ARHGAP15: variants seen among roughly 807,000 people sequenced by gnomAD.
ARHGAP15 encodes the protein Rho GTPase activating protein 15, also known as rho GTPase-activating protein 15.
A neutral mutation model predicts 63.7 loss-of-function variants in ARHGAP15; 51 were observed. The ratio of observed to expected loss-of-function variants is 0.80; its 90% CI spans 0.64 to 1.01. ARHGAP15 has a LOEUF of 1.01. Among genes scored for constraint, ARHGAP15 ranks in the 50% least tolerant of loss-of-function variants. The probability of loss-of-function intolerance (pLI) is 0.00; values close to 1 mark genes in which losing one functional copy is unlikely to be tolerated. For missense variants in ARHGAP15, 560 were observed against 564.6 expected, an observed-to-expected ratio of 0.99 and a Z score of 0.08; for synonymous variants, 191 against 193.8, an observed-to-expected ratio of 0.99 and a Z score of 0.12.
intron 10 of ARHGAP15, among the ~76,000 whole-genome samples, chr2:143,554,525 T>A (rs1271362275): frequency 6.6e-6 from 1 of 152,118 alleles, no homozygotes; most frequent in Non-Finnish European, 1.5e-5. Flanking sequence ...GAGGGAAAAC[T>A]TTGAGAAGGA....
At chr2:143,187,002 A>G (rs115732039) in intron 2 of ARHGAP15, among the ~76,000 whole-genome samples, 4,425 of 152,246 alleles carry the variant, frequency 0.029, 99 homozygotes, top group Non-Finnish European at 0.04. Flanking sequence ...GTCTGTAAAC[A>G]GTGGAAATAC....
chr2:143,145,433 T>C (rs184377054), intron 1 of ARHGAP15, among the ~76,000 whole-genome samples: 1 of 151,870 alleles, frequency 6.6e-6, no homozygotes, highest in African/African-American at 2.4e-5. Flanking sequence ...AGGGTTGAGG[T>C]TCTACCTTTC....
At chr2:143,673,158 CTTACT>C (rs1195136360) in intron 12 of ARHGAP15, among the ~76,000 whole-genome samples, 7 of 152,152 alleles carry the variant, frequency 4.6e-5, no homozygotes, top group African/African-American at 1.7e-4. Flanking sequence ...AACCTTGATT[CTTACT>C]TTACAACATA....
chr2:143,536,870 A>C (rs1248089593), intron 10 of ARHGAP15, among the ~76,000 whole-genome samples: 1 of 152,052 alleles, frequency 6.6e-6, no homozygotes, highest in Non-Finnish European at 1.5e-5. Flanking sequence ...ATGATTTATA[A>C]TCCTTTGGGT....
intron 8 of ARHGAP15, among the ~76,000 whole-genome samples, chr2:143,446,003 A>G (rs1035790756): frequency 6.6e-6 from 1 of 151,972 alleles, no homozygotes; most frequent in Non-Finnish European, 1.5e-5. Context: ...CCCTGTTCAA[A>G]AGGTTGTATG....
chr2:143,467,242 C>CTTTTTTTTTTTTTTTTTTTTTTTT (rs202115707), intron 8 of ARHGAP15, among the ~76,000 whole-genome samples: 9 of 57,918 alleles, frequency 1.6e-4, no homozygotes, highest in Admixed American at 2.5e-4. Context: ...ACTCCATGGC[C>CTTTTTTTTTTTTTTTTTTTTTTTT]TTTTTTTTTT....
chr2:143,334,921 G>T (rs992001995), intron 6 of ARHGAP15, among the ~76,000 whole-genome samples: 5 of 152,160 alleles, frequency 3.3e-5, no homozygotes, highest in African/African-American at 1.2e-4. Flanking sequence ...TCTCGACTTT[G>T]CTATGCACAT....
chr2:143,343,350 G>A (rs1685142270), intron 6 of ARHGAP15, among the ~76,000 whole-genome samples: 1 of 152,020 alleles, frequency 6.6e-6, no homozygotes, highest in Non-Finnish European at 1.5e-5. Flanking sequence ...AAAGGCAACA[G>A]GTGTCAAGGG....
At chr2:143,744,480 A>G (rs1168657113) in intron 13 of ARHGAP15, among the ~76,000 whole-genome samples, 1 of 152,296 alleles carries the variant, frequency 6.6e-6, no homozygotes, top group East Asian at 1.9e-4. Context: ...GGATTTTTTT[A>G]ATCCAATTGA....
chr2:143,338,013 C>T (rs986833470), intron 6 of ARHGAP15, among the ~76,000 whole-genome samples: 1 of 152,114 alleles, frequency 6.6e-6, no homozygotes, highest in African/African-American at 2.4e-5. Flanking sequence ...TTTAATGTGT[C>T]TAGTAACAAT....
rs1415509164 is a variant in ARHGAP15 at position 143,329,992 on chromosome 2, T to C, written c.474+79392T>C. ...CTGTAGTCCCAGCTACTCAGGAGCCTGAAGCAGGAGAATCGCTTGAGCCCA... is the reference window on the plus strand; with the variant it reads ...CTGTAGTCCCAGCTACTCAGGAGCCCGAAGCAGGAGAATCGCTTGAGCCCA... On this transcript the variant is annotated intron_variant, in intron 6 of 13. Coordinates refer to ENST00000295095, the MANE Select transcript of ARHGAP15 (RefSeq NM_018460.4). Among the ~76,000 whole-genome samples the C allele has an allele frequency of 1.0e-4, 15 of 143,634 alleles. No individual in the cohort carries two copies. In the East Asian group the frequency reaches 3.1e-3, roughly 29 times the overall value. The allele number at this position is 143,634 out of a possible 152,430, so 94.2% of individuals were successfully genotyped here.
chr2:143,382,061 T>TTTCCTTCCTTCCTTCC (rs749074335), intron 6 of ARHGAP15, among the ~76,000 whole-genome samples: 2 of 150,606 alleles, frequency 1.3e-5, no homozygotes, highest in Non-Finnish European at 3.0e-5. Flanking sequence ...TTCTTGCTTC[T>TTTCCTTCCTTCCTTCC]TTCCTTCCTT....
At chr2:143,170,739 T>G (rs1033089073) in intron 2 of ARHGAP15, among the ~76,000 whole-genome samples, 12 of 152,276 alleles carry the variant, frequency 7.9e-5, no homozygotes, top group Non-Finnish European at 1.5e-4. Context: ...ACTCCTATAA[T>G]AATTATTCCT....
At chr2:143,738,872 G>GCCT (rs1220496647) in intron 13 of ARHGAP15, among the ~76,000 whole-genome samples, 2 of 152,152 alleles carry the variant, frequency 1.3e-5, no homozygotes, top group Non-Finnish European at 2.9e-5. Context: ...CTTGGTTCAA[G>GCCT]CCTCCGCCCA....
chr2:143,208,585 G>A (rs140614365), intron 3 of ARHGAP15, among the ~76,000 whole-genome samples: 12 of 152,224 alleles, frequency 7.9e-5, no homozygotes, highest in East Asian at 7.7e-4. Context: ...ATAGGGTTTC[G>A]GTAGAAGAGA....
intron 11 of ARHGAP15, among the ~76,000 whole-genome samples, chr2:143,592,292 C>A (rs1184428999): frequency 6.6e-6 from 1 of 152,168 alleles, no homozygotes; most frequent in Non-Finnish European, 1.5e-5. Flanking sequence ...TCCAGTCAAA[C>A]TCTGATCTTT....
At chr2:143,196,101 A>G (rs912892766) in intron 2 of ARHGAP15, among the ~76,000 whole-genome samples, 5 of 152,146 alleles carry the variant, frequency 3.3e-5, no homozygotes, top group Non-Finnish European at 7.4e-5. Context: ...ATAAGAACAA[A>G]GAGGAATTTG....
chr2:143,307,094 T>G (rs558971132), intron 6 of ARHGAP15, among the ~76,000 whole-genome samples: 6 of 152,206 alleles, frequency 3.9e-5, no homozygotes, highest in Admixed American at 6.5e-5. Context: ...CTTTATGACA[T>G]AGCTGATTGT....
chr2:143,144,139 C>T (rs1689484446), intron 1 of ARHGAP15, among the ~76,000 whole-genome samples: 1 of 151,982 alleles, frequency 6.6e-6, no homozygotes, highest in Non-Finnish European at 1.5e-5. Context: ...TGTATATGTA[C>T]CACATTTTCT....
Sources: allele counts gnomAD v4.1 joint callset (sites outside exome capture counted in the v4.1 genomes callset), GRCh38; gene constraint gnomAD v4.1.1; transcripts MANE v1.5; gene names NCBI Gene and HGNC (gene_info 2026-07-23, HGNC 2026-07-21).